Variants in RAB38 observed in about 807,000 individuals in gnomAD.
RAB38 encodes the protein RAB38, member RAS oncogene family.
A neutral mutation model predicts 18.4 loss-of-function variants in RAB38; 15 were observed. The ratio of observed to expected loss-of-function variants is 0.82; its 90% CI spans 0.55 to 1.26. RAB38 has a LOEUF of 1.26. Ranked by LOEUF, RAB38 falls within the 50% of genes most tolerant of loss-of-function variation. The pLI is 0.00. For synonymous variants in RAB38, 101 were observed against 104.4 expected, an observed-to-expected ratio of 0.97 and a Z score of 0.20; for missense variants, 294 against 267.4, an observed-to-expected ratio of 1.10 and a Z score of -0.69.
the RAB38 span, among the ~76,000 whole-genome samples, chr11:87,826,348 TAAAG>T: frequency 2.0e-5 from 3 of 151,656 alleles, no homozygotes; most frequent in Admixed American, 2.0e-4. Flanking sequence ...ATTTGAAAAA[TAAAG>T]GTGCCAAAAG....
At chr11:87,885,320 A>G in the RAB38 span, among the ~76,000 whole-genome samples, 1 of 141,330 alleles carries the variant, frequency 7.1e-6, no homozygotes, top group African/African-American at 2.8e-5. Flanking sequence ...TACACTTACC[A>G]CCCTGAATAT....
chr11:88,166,634 GAT>G (rs1943248797), intron 1 of RAB38: 1 of 151,948 alleles, frequency 6.6e-6, no homozygotes, highest in Admixed American at 6.6e-5. Flanking sequence ...TTTTAAAAAA[GAT>G]ATAGTTTTGC....
At chr11:88,053,149 AAT>A in the RAB38 span, among the ~76,000 whole-genome samples, 4 of 109,564 alleles carry the variant, frequency 3.7e-5, no homozygotes, top group South Asian at 8.1e-4. Context: ...ATATATATGG[AAT>A]ATATATATAC....
At chr11:88,111,431 C>T (rs954463641), downstream of RAB38, among the ~76,000 whole-genome samples, 11 of 152,154 alleles carry the variant, frequency 7.2e-5, no homozygotes, top group African/African-American at 2.7e-4. Flanking sequence ...CAAAATTAAT[C>T]AGACAGCAGC....
the RAB38 span, among the ~76,000 whole-genome samples, chr11:88,024,088 A>C: frequency 0.017 from 2,600 of 152,142 alleles, 73 homozygotes; most frequent in African/African-American, 0.06. Context: ...TGAAGGAAAC[A>C]CTCAAAAAAG....
intron 1 of RAB38, chr11:88,167,543 G>A (rs1943259748): frequency 2.6e-5 from 4 of 152,230 alleles, no homozygotes; most frequent in Admixed American, 2.6e-4. Context: ...AACAGTTCCG[G>A]TGAGTTGTGA....
chr11:87,903,138 T>G, the RAB38 span, among the ~76,000 whole-genome samples: 1 of 151,422 alleles, frequency 6.6e-6, no homozygotes, highest in Admixed American at 6.6e-5. Flanking sequence ...GAATAGACAT[T>G]CTTGCTTTGT....
At chr11:87,826,106 G>A in the RAB38 span, among the ~76,000 whole-genome samples, 241 of 152,120 alleles carry the variant, frequency 1.6e-3, 1 homozygote, top group African/African-American at 5.6e-3. Flanking sequence ...GTAAAAGTGA[G>A]TGATAACATA....
intron 2 of RAB38, among the ~76,000 whole-genome samples, chr11:88,116,715 T>C (rs1185736114): frequency 2.0e-5 from 3 of 152,214 alleles, no homozygotes; most frequent in Non-Finnish European, 2.9e-5. Context: ...CCATATATTA[T>C]AATAAAAACA....
At chr11:87,820,394 A>G in the RAB38 span, among the ~76,000 whole-genome samples, 1 of 152,224 alleles carries the variant, frequency 6.6e-6, no homozygotes, top group Non-Finnish European at 1.5e-5. Context: ...GTCTTTTAAT[A>G]ACAATAAAAT....
At chr11:87,963,467 A>G in the RAB38 span, among the ~76,000 whole-genome samples, 1 of 152,164 alleles carries the variant, frequency 6.6e-6, no homozygotes, top group Admixed American at 6.5e-5. Context: ...CACAAATTAA[A>G]ATAATAGGAC....
the RAB38 span, among the ~76,000 whole-genome samples, chr11:87,837,678 T>A: frequency 6.6e-6 from 1 of 152,174 alleles, no homozygotes; most frequent in African/African-American, 2.4e-5. Context: ...ATTTTATACA[T>A]AGGCTATCTA....
At chr11:88,109,775 C>CA (rs1356620266), downstream of RAB38, among the ~76,000 whole-genome samples, 1 of 152,210 alleles carries the variant, frequency 6.6e-6, no homozygotes, top group Non-Finnish European at 1.5e-5. Flanking sequence ...AAAAGCTCAT[C>CA]ATCACAGGTC....
the RAB38 span, among the ~76,000 whole-genome samples, chr11:88,102,744 G>A: frequency 6.6e-6 from 1 of 152,022 alleles, no homozygotes; most frequent in Non-Finnish European, 1.5e-5. Context: ...AAACTCCCTT[G>A]CTCTGAAACT....
At chr11:87,977,910 T>C in the RAB38 span, among the ~76,000 whole-genome samples, 3 of 113,384 alleles carry the variant, frequency 2.6e-5, no homozygotes, top group Non-Finnish European at 5.0e-5. Flanking sequence ...TATAATTATA[T>C]ACATAAATAT....
the RAB38 span, among the ~76,000 whole-genome samples, chr11:88,013,552 C>A: frequency 6.6e-6 from 1 of 152,072 alleles, no homozygotes; most frequent in Non-Finnish European, 1.5e-5. Flanking sequence ...GATTCAAAAT[C>A]TGAAGATTTG....
chr11:87,878,222 T>TATATATATATACACACAC, the RAB38 span, among the ~76,000 whole-genome samples: 7 of 116,152 alleles, frequency 6.0e-5, no homozygotes, highest in South Asian at 2.7e-4. Context: ...TATATATATA[T>TATATATATATACACACAC]ACACACATAT....
the RAB38 span, among the ~76,000 whole-genome samples, chr11:88,107,559 CA>C: frequency 0.9 from 136,562 of 150,920 alleles, 62,334 homozygotes; most frequent in East Asian, 0.99. Context: ...TTAATCTTTT[CA>C]AAAAAAAAAA....
the RAB38 span, chr11:88,062,203 G>A: frequency 6.6e-6 from 1 of 152,144 alleles, no homozygotes; most frequent in Non-Finnish European, 1.5e-5. Context: ...ATAGTGGGAA[G>A]TGATTCGATC....
Sources: gnomAD v4.1 joint callset for allele counts (sites outside exome capture counted in the v4.1 genomes callset) on GRCh38, gnomAD v4.1.1 for gene constraint, MANE v1.5 for transcripts, NCBI Gene and HGNC (gene_info 2026-07-23, HGNC 2026-07-21) for gene names.